Variants in CATSPERB observed in about 807,000 individuals in gnomAD.
The protein encoded by CATSPERB is cation channel sperm-associated auxiliary subunit beta.
In CATSPERB, 93 loss-of-function variants were observed where a neutral mutation model predicts 128.3. That is an observed-to-expected ratio of 0.72 (90% CI 0.61 to 0.86). The LOEUF (loss-of-function observed/expected upper bound fraction) is 0.86. Among genes scored for constraint, CATSPERB ranks in the 40% least tolerant of loss-of-function variants. The pLI, the probability that CATSPERB is intolerant of heterozygous loss-of-function variation, is 0.00. For missense variants in CATSPERB, 1,153 were observed against 1,329.5 expected (o/e 0.87, Z 2.06); for synonymous variants, 381 against 448.8 (o/e 0.85, Z 1.91).
At chr14:91,684,010 G>GA (rs1895331624) in intron 10 of CATSPERB, 67 bp from the exon 11 acceptor site, 9 of 1,135,992 alleles carry the variant, frequency 7.9e-6, no homozygotes, top group East Asian at 5.1e-5. Flanking sequence ...ATATAAGATA[G>GA]AAAAAACTAA....
chr14:91,672,484 A>G (rs754604882), intron 13 of CATSPERB, among the ~76,000 whole-genome samples: 5 of 152,210 alleles, frequency 3.3e-5, no homozygotes, highest in Non-Finnish European at 7.3e-5. Context: ...AAGAATTCTA[A>G]TTCACAGGTA....
intron 5 of CATSPERB, chr14:91,709,029 C>T (rs183905004): frequency 3.9e-5 from 6 of 152,384 alleles, no homozygotes; most frequent in Non-Finnish European, 8.8e-5. Flanking sequence ...GAAGAACACA[C>T]CTGGTCAAAA....
At chr14:91,623,847 T>A (rs930431661) in intron 18 of CATSPERB, among the ~76,000 whole-genome samples, 2 of 152,208 alleles carry the variant, frequency 1.3e-5, no homozygotes, top group African/African-American at 4.8e-5. Flanking sequence ...TTGCTGTGAA[T>A]CAATAATCCT....
intron 4 of CATSPERB, among the ~76,000 whole-genome samples, chr14:91,721,267 C>A (rs1349546080): frequency 6.6e-6 from 1 of 152,056 alleles, no homozygotes; most frequent in African/African-American, 2.4e-5. Context: ...TCAAAGGACA[C>A]TATAAAGAAA....
At chr14:91,603,476 A>C (rs773384880) in intron 22 of CATSPERB, 45 of 1,292,640 alleles carry the variant, frequency 3.5e-5, no homozygotes, top group Non-Finnish European at 5.0e-5. Context: ...TCTGCTCCCT[A>C]AGTCTTAAAG....
In CATSPERB at chr14:91,660,961, T is replaced by C. The variant is rs1894870271; in HGVS notation, c.1288-980A>G. Among the ~76,000 whole-genome samples the C allele has an allele frequency of 1.3e-5, 2 of 152,196 alleles. 1 individual carries two copies. The highest frequency in any genetic ancestry group is 4.1e-4 in the South Asian group (2 of 4,830). ...CTTTTAGACTTGGACAGGAAGTAAC[T>C]TTGCCCTGGACTGCTTGCTTACTGG... On this transcript the variant is annotated intron_variant, in intron 14 of 26. Coordinates refer to ENST00000256343, the MANE Select transcript of CATSPERB (RefSeq NM_024764.4).
chr14:91,722,953 A>G (rs1896058302), intron 4 of CATSPERB, 96 bp downstream of exon 4: 1 of 948,272 alleles, frequency 1.1e-6, no homozygotes, highest in African/African-American at 1.7e-5. Context: ...TAGATGTAAT[A>G]TTACTCAGCT....
At chr14:91,659,781 A>G in intron 15 of CATSPERB, 56 bp downstream of exon 15, 1 of 1,539,996 alleles carries the variant, frequency 6.5e-7, no homozygotes, top group Non-Finnish European at 8.7e-7. Flanking sequence ...TTTTTCATAT[A>G]TCTTCTAATC....
chr14:91,667,204 T>C (rs1894999712), intron 14 of CATSPERB, among the ~76,000 whole-genome samples: 1 of 152,256 alleles, frequency 6.6e-6, no homozygotes, highest in Admixed American at 6.5e-5. Context: ...TCCTAACCTC[T>C]GGGGGAACCC....
At position 91,721,719 on chromosome 14, in the gene CATSPERB, G is replaced by A. The variant is rs138117540; in HGVS notation, c.309+1330C>T. Among the ~76,000 whole-genome samples, 786 of 152,014 alleles carry A rather than the reference G, an allele frequency of 5.2e-3. 7 individuals are homozygous for A. The highest frequency in any genetic ancestry group is 0.018 in the African/African-American group (734 of 41,466). ...CAAAAAATTAGCCAGGTTTGGTGGC[G>A]GATGCCTGTAGTCCCAGCTACTCTG... On this transcript the variant is annotated intron_variant, in intron 4 of 26. Transcript: ENST00000256343.
At chr14:91,672,022 A>AAACAACAACAACAACAACAACAAC (rs35442642) in intron 13 of CATSPERB, among the ~76,000 whole-genome samples, 59 of 150,142 alleles carry the variant, frequency 3.9e-4, no homozygotes, top group African/African-American at 1.4e-3. Flanking sequence ...TCTGTCTCAA[A>AAACAACAACAACAACAACAACAAC]AACAACAACA....
chr14:91,655,719 C>A (rs1894775490), intron 15 of CATSPERB, among the ~76,000 whole-genome samples: 1 of 152,042 alleles, frequency 6.6e-6, no homozygotes, highest in African/African-American at 2.4e-5. Flanking sequence ...AAGGGCAAAT[C>A]TAAGAGTTAT....
At chr14:91,721,748 G>T (rs1217395914) in intron 4 of CATSPERB, among the ~76,000 whole-genome samples, 1 of 151,946 alleles carries the variant, frequency 6.6e-6, no homozygotes, top group Non-Finnish European at 1.5e-5. Flanking sequence ...TACTCTGGAG[G>T]CTGAGGCAGG....
chr14:91,711,960 T>C (rs1595189284), intron 5 of CATSPERB, among the ~76,000 whole-genome samples: 1 of 152,166 alleles, frequency 6.6e-6, no homozygotes, highest in Non-Finnish European at 1.5e-5. Flanking sequence ...TACAACACAC[T>C]TCTAAAAAAC....
chr14:91,623,074 T>C (rs1480774459), intron 18 of CATSPERB, among the ~76,000 whole-genome samples: 2 of 152,160 alleles, frequency 1.3e-5, no homozygotes, highest in South Asian at 4.1e-4. Flanking sequence ...TTTGTATTTT[T>C]AGTAGAGACG....
At chr14:91,612,900 A>G (rs1247782284) in intron 20 of CATSPERB, among the ~76,000 whole-genome samples, 1 of 152,206 alleles carries the variant, frequency 6.6e-6, no homozygotes, top group Non-Finnish European at 1.5e-5. Flanking sequence ...AATTTCTACA[A>G]TTCAATGGCA....
At chr14:91,693,577 C>G (rs1206908264) in intron 7 of CATSPERB, 98 bp from the exon 8 acceptor site, 17 of 750,814 alleles carry the variant, frequency 2.3e-5, no homozygotes, top group African/African-American at 5.3e-5. Flanking sequence ...TCCCTCTCAG[C>G]ACTATGACTC....
Position 91,581,020 on chromosome 14 carries a change from T to C in CATSPERB, c.3220A>G (p.Ile1074Val), listed in dbSNP as rs781249595. Reference sequence around the variant, plus strand: ...CCTTGCAGTTGAAACATAAATGCTATAAAAATTAATCCCCCTAGCACTACC... The same window carrying C: ...CCTTGCAGTTGAAACATAAATGCTACAAAAATTAATCCCCCTAGCACTACC... ...TAVVLGGLIF[I>V]AFMFQLQGIH... Residue 1074 changes from isoleucine to valine, a missense_variant, in exon 27 of 27, where the codon ATA becomes GTA. Coordinates refer to ENST00000256343, the MANE Select transcript of CATSPERB (RefSeq NM_024764.4). 6 of 1,614,084 alleles carry C rather than the reference T, an allele frequency of 3.7e-6. No homozygotes were observed. The East Asian group carries it at 8.9e-5, about 24-fold the overall frequency.
chr14:91,620,391 C>T (rs572047655), intron 19 of CATSPERB, among the ~76,000 whole-genome samples: 33 of 152,200 alleles, frequency 2.2e-4, no homozygotes, highest in African/African-American at 7.7e-4. Flanking sequence ...GCCTCACATC[C>T]TCCAGGGAGT....
Sources: allele counts gnomAD v4.1 joint callset (sites outside exome capture counted in the v4.1 genomes callset), GRCh38; gene constraint gnomAD v4.1.1; transcripts MANE v1.5; gene names NCBI Gene and HGNC (gene_info 2026-07-23, HGNC 2026-07-21).